The following EXOC4 variants were observed in gnomAD, a reference collection of about 807,000 sequenced individuals.
EXOC4 encodes the protein exocyst complex component 4, also known as SEC8-like 1.
A neutral mutation model predicts 107.2 loss-of-function variants in EXOC4; 71 were observed. The ratio of observed to expected loss-of-function variants is 0.66; its 90% CI spans 0.55 to 0.81. The LOEUF is 0.81. EXOC4 is among the 30% of genes least tolerant of loss of function. The pLI, the probability that EXOC4 is intolerant of heterozygous loss-of-function variation, is 0.00. For synonymous variants in EXOC4, 456 were observed against 441.2 expected (o/e 1.03, Z -0.42); for missense variants, 1,108 against 1,189.6 (o/e 0.93, Z 1.01).
intron 10 of EXOC4, among the ~76,000 whole-genome samples, chr7:133,630,857 C>T (rs1239922671): frequency 6.6e-6 from 1 of 152,032 alleles, no homozygotes; most frequent in Non-Finnish European, 1.5e-5. Context: ...AGTAAGAATC[C>T]ATGGTGCCTC....
chr7:133,462,824 A>G (rs895043257), intron 7 of EXOC4, among the ~76,000 whole-genome samples: 2 of 152,194 alleles, frequency 1.3e-5, no homozygotes, highest in African/African-American at 4.8e-5. Flanking sequence ...ACAGGAAATA[A>G]AACTTTAGTT....
chr7:134,026,944 G>A (rs952691516), intron 17 of EXOC4, among the ~76,000 whole-genome samples: 1 of 152,118 alleles, frequency 6.6e-6, no homozygotes, highest in African/African-American at 2.4e-5. Flanking sequence ...CAAGAGTTTG[G>A]TTGTTACAGT....
At chr7:133,849,917 T>C (rs1398801436) in intron 11 of EXOC4, among the ~76,000 whole-genome samples, 1 of 152,236 alleles carries the variant, frequency 6.6e-6, no homozygotes, top group Non-Finnish European at 1.5e-5. Flanking sequence ...CAATATGCTA[T>C]AAACATTCAT....
intron 5 of EXOC4, among the ~76,000 whole-genome samples, chr7:133,322,205 C>T (rs1795128804): frequency 2.0e-5 from 3 of 152,266 alleles, no homozygotes; most frequent in African/African-American, 7.2e-5. Flanking sequence ...TTTTGCTGTG[C>T]AGAAGCTCTT....
At chr7:133,996,402 G>T (rs1377106377) in intron 14 of EXOC4, among the ~76,000 whole-genome samples, 1 of 152,150 alleles carries the variant, frequency 6.6e-6, no homozygotes, top group Non-Finnish European at 1.5e-5. Flanking sequence ...ATTATTGTTG[G>T]TTGGGAATCT....
At chr7:133,366,121 G>C (rs758983728) in intron 6 of EXOC4, among the ~76,000 whole-genome samples, 9 of 152,260 alleles carry the variant, frequency 5.9e-5, no homozygotes, top group African/African-American at 9.6e-5. Context: ...CTAATTCAAG[G>C]TTCCCTGGAT....
chr7:133,427,305 T>TA (rs1198781748), intron 7 of EXOC4, among the ~76,000 whole-genome samples: 1 of 152,178 alleles, frequency 6.6e-6, no homozygotes, highest in Non-Finnish European at 1.5e-5. Flanking sequence ...TCTACTAGGT[T>TA]ACTATTTTAT....
At chr7:133,862,117 A>AT (rs1204801950) in intron 11 of EXOC4, among the ~76,000 whole-genome samples, 2 of 151,312 alleles carry the variant, frequency 1.3e-5, no homozygotes, top group African/African-American at 4.9e-5. Flanking sequence ...TAAGATTTAT[A>AT]TCAGCACTGG....
intron 12 of EXOC4, among the ~76,000 whole-genome samples, chr7:133,911,675 T>G (rs1004455603): frequency 3.3e-5 from 5 of 152,224 alleles, no homozygotes; most frequent in African/African-American, 9.6e-5. Flanking sequence ...TTTCAGCTAA[T>G]GCTAAAATGG....
intron 10 of EXOC4, among the ~76,000 whole-genome samples, chr7:133,722,048 C>T: frequency 6.6e-6 from 1 of 152,132 alleles, no homozygotes; most frequent in East Asian, 1.9e-4. Flanking sequence ...AAGTAAGGGA[C>T]AGAGATGAAG....
intron 10 of EXOC4, among the ~76,000 whole-genome samples, chr7:133,787,983 A>T (rs1480760114): frequency 3.4e-5 from 3 of 87,928 alleles, no homozygotes; most frequent in African/African-American, 1.5e-4. Context: ...ATATATATAT[A>T]TATATATATA....
chr7:133,811,985 A>C (rs1797242891), intron 10 of EXOC4, among the ~76,000 whole-genome samples: 1 of 152,214 alleles, frequency 6.6e-6, no homozygotes, highest in South Asian at 2.1e-4. Flanking sequence ...ACTAGGCATG[A>C]AGGATTCAGC....
chr7:134,019,015 C>T (rs555846332), intron 17 of EXOC4, among the ~76,000 whole-genome samples: 9 of 152,134 alleles, frequency 5.9e-5, no homozygotes, highest in African/African-American at 2.2e-4. Flanking sequence ...ATGCAACCTC[C>T]GCCTCCCAGG....
At chr7:133,948,230 C>T (rs12531665) in intron 14 of EXOC4, among the ~76,000 whole-genome samples, 8,859 of 152,254 alleles carry the variant, frequency 0.058, 376 homozygotes, top group Non-Finnish European at 0.085. Flanking sequence ...AACCCTTAGA[C>T]ACTTGGGTGC....
At chr7:134,043,116 A>G (rs1331943716) in intron 17 of EXOC4, among the ~76,000 whole-genome samples, 2 of 151,672 alleles carry the variant, frequency 1.3e-5, no homozygotes, top group Non-Finnish European at 2.9e-5. Context: ...TGGTTTTTAA[A>G]TGTCATATAT....
At chr7:133,939,380 T>G (rs954316244) in intron 14 of EXOC4, among the ~76,000 whole-genome samples, 1 of 152,188 alleles carries the variant, frequency 6.6e-6, no homozygotes, top group African/African-American at 2.4e-5. Context: ...CATGGCCTCA[T>G]GCTGATTCTC....
At chr7:133,299,370 G>A (rs538317501) in intron 3 of EXOC4, among the ~76,000 whole-genome samples, 55 of 152,180 alleles carry the variant, frequency 3.6e-4, no homozygotes, top group African/African-American at 1.2e-3. Flanking sequence ...GGCTGATAGG[G>A]TATGTTAGAA....
intron 17 of EXOC4, among the ~76,000 whole-genome samples, chr7:134,031,802 G>A (rs1318629027): frequency 1.3e-5 from 2 of 152,218 alleles, no homozygotes; most frequent in Non-Finnish European, 2.9e-5. Context: ...AAGAGCTAAA[G>A]AAGCATACAG....
intron 10 of EXOC4, among the ~76,000 whole-genome samples, chr7:133,654,310 C>T (rs1803233814): frequency 6.6e-6 from 1 of 152,160 alleles, no homozygotes; most frequent in Non-Finnish European, 1.5e-5. Flanking sequence ...AATCTAAGTT[C>T]CATTCTTGTT....
Sources: gnomAD v4.1 joint callset for allele counts (sites outside exome capture counted in the v4.1 genomes callset) on GRCh38, gnomAD v4.1.1 for gene constraint, MANE v1.5 for transcripts, NCBI Gene and HGNC (gene_info 2026-07-23, HGNC 2026-07-21) for gene names.